NXPH1: variants seen among roughly 807,000 people sequenced by gnomAD.
The protein encoded by NXPH1 is neurexophilin-1.
NXPH1 carries 5 observed loss-of-function variants against 23.7 expected under a neutral mutation model. The ratio of observed to expected loss-of-function variants is 0.21; its 90% CI spans 0.11 to 0.44. The LOEUF (loss-of-function observed/expected upper bound fraction) is 0.44, where lower values mean the gene tolerates loss of function less well. Ranked by LOEUF, NXPH1 falls within the 20% of genes least tolerant of loss-of-function variation. The probability of loss-of-function intolerance (pLI) is 0.99; values close to 1 mark genes in which losing one functional copy is unlikely to be tolerated. For synonymous variants in NXPH1, 144 were observed against 122.2 expected, an observed-to-expected ratio of 1.18 and a Z score of -1.18; for missense variants, 324 against 321.6, an observed-to-expected ratio of 1.01 and a Z score of -0.06.
intron 2 of NXPH1, among the ~76,000 whole-genome samples, chr7:8,498,237 T>C (rs1008003704): frequency 1.3e-5 from 2 of 152,086 alleles, no homozygotes; most frequent in Non-Finnish European, 2.9e-5. Flanking sequence ...CATTTAACTT[T>C]CATTATCATA....
intron 2 of NXPH1, among the ~76,000 whole-genome samples, chr7:8,718,165 C>G (rs1779908773): frequency 6.6e-6 from 1 of 152,074 alleles, no homozygotes; most frequent in African/African-American, 2.4e-5. Context: ...GTTTTACTTA[C>G]AGTGACAAAG....
rs532431894 is a variant in NXPH1 at position 8,531,775 on chromosome 7, C to G, written c.54+96008C>G. Reference sequence around the variant, plus strand: ...GGGGATGCCTCCATTGTGACAATGACTTCTCTTAAATAATCAAGCTGTTTT... The same window carrying G: ...GGGGATGCCTCCATTGTGACAATGAGTTCTCTTAAATAATCAAGCTGTTTT... On this transcript the variant is annotated intron_variant, in intron 2 of 2. Coordinates refer to ENST00000405863, the MANE Select transcript of NXPH1 (RefSeq NM_152745.3). 4.3e-4 allele frequency among the ~76,000 whole-genome samples: 65 copies of G among 152,298 alleles called. 1 individual carries two copies. Among genetic ancestry groups the G allele is most frequent in the African/African-American group, 1.5e-3 (62 of 41,548 alleles).
chr7:8,621,256 CAGGTGACCAGGAAGA>C (rs1402600052), intron 2 of NXPH1, among the ~76,000 whole-genome samples: 2 of 152,028 alleles, frequency 1.3e-5, no homozygotes, highest in Admixed American at 6.6e-5. Flanking sequence ...AGGATTTGGG[CAGGTGACCAGGAAGA>C]AGTCTGTCCA....
At chr7:8,440,994 G>A (rs1444807638) in intron 2 of NXPH1, among the ~76,000 whole-genome samples, 8 of 152,206 alleles carry the variant, frequency 5.3e-5, no homozygotes, top group Non-Finnish European at 1.0e-4. Context: ...CTGAAAGTTT[G>A]CCTGCTCTCA....
chr7:8,506,571 G>C (rs1008819322), intron 2 of NXPH1, among the ~76,000 whole-genome samples: 7 of 152,058 alleles, frequency 4.6e-5, no homozygotes, highest in African/African-American at 9.7e-5. Context: ...CTCTCCCTGA[G>C]CAGATAGCCA....
At chr7:8,676,606 G>A (rs1437931308) in intron 2 of NXPH1, among the ~76,000 whole-genome samples, 1 of 152,178 alleles carries the variant, frequency 6.6e-6, no homozygotes, top group Non-Finnish European at 1.5e-5. Context: ...AAAAGAAAAA[G>A]TGATGGCTGG....
At chr7:8,585,652 G>A (rs1222402043) in intron 2 of NXPH1, among the ~76,000 whole-genome samples, 1 of 152,084 alleles carries the variant, frequency 6.6e-6, no homozygotes, top group Non-Finnish European at 1.5e-5. Context: ...GATATGTTTT[G>A]GCTGGACTGT....
chr7:8,471,914 A>G (rs1365518454), intron 2 of NXPH1, among the ~76,000 whole-genome samples: 1 of 152,016 alleles, frequency 6.6e-6, no homozygotes, highest in Non-Finnish European at 1.5e-5. Flanking sequence ...TAAAGCTAAC[A>G]TTGATATTTT....
chr7:8,480,796 TC>T (rs1817060270), intron 2 of NXPH1, among the ~76,000 whole-genome samples: 1 of 152,108 alleles, frequency 6.6e-6, no homozygotes, highest in African/African-American at 2.4e-5. Flanking sequence ...AAGGCAAACT[TC>T]CCCCTCCCCA....
chr7:8,501,238 A>G (rs73232386), intron 2 of NXPH1, among the ~76,000 whole-genome samples: 1 of 152,218 alleles, frequency 6.6e-6, no homozygotes, highest in African/African-American at 2.4e-5. Flanking sequence ...ATGAATTGAA[A>G]TTAGGCTTTT....
At chr7:8,723,773 G>A (rs1433591151) in intron 2 of NXPH1, among the ~76,000 whole-genome samples, 2 of 152,270 alleles carry the variant, frequency 1.3e-5, no homozygotes, top group Middle Eastern at 3.4e-3. Context: ...TAGATAATGC[G>A]GAGTTAGCTT....
chr7:8,555,875 C>G (rs555672076), intron 2 of NXPH1, among the ~76,000 whole-genome samples: 1 of 151,834 alleles, frequency 6.6e-6, no homozygotes, highest in South Asian at 2.1e-4. Context: ...CATTTCATAT[C>G]TAAGCTTCTC....
chr7:8,738,409 A>T (rs145636630), intron 2 of NXPH1, among the ~76,000 whole-genome samples: 17,715 of 152,182 alleles, frequency 0.12, 1,356 homozygotes, highest in Admixed American at 0.2. Context: ...AGTTTGCTGG[A>T]GGTCCACTCC....
intron 2 of NXPH1, among the ~76,000 whole-genome samples, chr7:8,584,175 G>A (rs1312114017): frequency 2.6e-5 from 4 of 152,172 alleles, no homozygotes; most frequent in African/African-American, 9.7e-5. Flanking sequence ...ATGGAGAGGT[G>A]AAACAACTTG....
chr7:8,524,535 A>G (rs767328367), intron 2 of NXPH1, among the ~76,000 whole-genome samples: 2 of 152,106 alleles, frequency 1.3e-5, no homozygotes, highest in African/African-American at 2.4e-5. Context: ...CCTTTGCCCA[A>G]TTAAGGGGAC....
intron 2 of NXPH1, among the ~76,000 whole-genome samples, chr7:8,652,908 C>A (rs112377056): frequency 6.6e-6 from 1 of 152,034 alleles, no homozygotes; most frequent in Non-Finnish European, 1.5e-5. Context: ...GTACAATATT[C>A]TTTAAGAGAC....
At chr7:8,507,159 A>T (rs1021488189) in intron 2 of NXPH1, among the ~76,000 whole-genome samples, 37 of 151,734 alleles carry the variant, frequency 2.4e-4, no homozygotes, top group Admixed American at 1.9e-3. Flanking sequence ...GATGAAATTG[A>T]TTGGGTTTAG....
At chr7:8,747,040 C>T (rs1371000513) in intron 2 of NXPH1, among the ~76,000 whole-genome samples, 1 of 152,116 alleles carries the variant, frequency 6.6e-6, no homozygotes, top group Non-Finnish European at 1.5e-5. Context: ...GACTATTGAA[C>T]AGTGTTCCAG....
intron 2 of NXPH1, among the ~76,000 whole-genome samples, chr7:8,542,052 A>C (rs1319226678): frequency 6.6e-6 from 1 of 151,512 alleles, no homozygotes; most frequent in African/African-American, 2.4e-5. Context: ...ATGAAAAGGC[A>C]GATATTGTCA....
Sources: gnomAD v4.1 joint callset for allele counts (sites outside exome capture counted in the v4.1 genomes callset) on GRCh38, gnomAD v4.1.1 for gene constraint, MANE v1.5 for transcripts, NCBI Gene and HGNC (gene_info 2026-07-23, HGNC 2026-07-21) for gene names.